ZNF732: variants seen among roughly 807,000 people sequenced by gnomAD.
The protein encoded by ZNF732 is zinc finger protein 732.
A neutral mutation model predicts 11.5 loss-of-function variants in ZNF732; 12 were observed. That is an observed-to-expected ratio of 1.05 (90% confidence interval 0.67 to 1.70). The LOEUF is 1.70. Ranked by LOEUF, ZNF732 falls within the 40% of genes most tolerant of loss-of-function variation. The pLI is 0.00. For missense variants in ZNF732, 702 were observed against 676.9 expected, an observed-to-expected ratio of 1.04 and a Z score of -0.41; for synonymous variants, 231 against 236.5, an observed-to-expected ratio of 0.98 and a Z score of 0.21.
Position 288,014 on chromosome 4 carries a change from T to C in ZNF732, c.226+7424A>G, listed in dbSNP as rs371301285. On this transcript the variant is annotated intron_variant, in intron 3 of 3. Coordinates refer to ENST00000419098, the MANE Select transcript of ZNF732 (RefSeq NM_001137608.3). ...ACAATAACCTTATTGTGGTTTTGCC[T>C]TACATTACTCTAAAAATTAGAAATT... is the stretch of plus-strand genomic sequence containing the variant. Among the ~76,000 whole-genome samples, 26 of 152,308 alleles carry C rather than the reference T, an allele frequency of 1.7e-4. No homozygotes were observed. The South Asian group carries it at 5.2e-3, about 30-fold the overall frequency.
intron 3 of ZNF732, 80 bp from the exon 4 acceptor site, chr4:272,710 C>A: frequency 2.4e-6 from 3 of 1,276,428 alleles, no homozygotes; most frequent in Non-Finnish European, 3.1e-6. Context: ...TAAACTTATA[C>A]AAAGTACATT....
intron 3 of ZNF732, among the ~76,000 whole-genome samples, chr4:274,905 T>C (rs1401654598): frequency 6.6e-6 from 1 of 151,662 alleles, no homozygotes; most frequent in Non-Finnish European, 1.5e-5. Flanking sequence ...GTTCCAAATA[T>C]ACAAAGCCAA....
At chr4:301,375 T>A (rs1264467696) in intron 1 of ZNF732, among the ~76,000 whole-genome samples, 1 of 152,110 alleles carries the variant, frequency 6.6e-6, no homozygotes, top group Non-Finnish European at 1.5e-5. Context: ...TGGGTATATA[T>A]CCAAAGGATT....
chr4:293,000 G>A lies in ZNF732; in HGVS notation c.226+2438C>T, dbSNP rs548626026. Among the ~76,000 whole-genome samples, 865 of 144,078 alleles carry A rather than the reference G, an allele frequency of 6.0e-3. 4 individuals are homozygous for A. Among genetic ancestry groups the A allele is most frequent in the Non-Finnish European group, 9.7e-3 (641 of 66,136 alleles). The allele number at this position is 144,078 out of a possible 152,430, so 94.5% of individuals were successfully genotyped here. On this transcript the variant is annotated intron_variant, in intron 3 of 3. Coordinates refer to ENST00000419098, the MANE Select transcript of ZNF732 (RefSeq NM_001137608.3). ...GGAGAATGGCGTGAACCCAGGTGGC[G>A]GAGGTTGCAGTGAGCCGAGATCGCG...
At chr4:275,876 C>G (rs782109723) in intron 3 of ZNF732, among the ~76,000 whole-genome samples, 2 of 151,422 alleles carry the variant, frequency 1.3e-5, no homozygotes, top group African/African-American at 2.4e-5. Flanking sequence ...AAATAAAAAA[C>G]AGAATTGTTT....
At chr4:293,021 T>A (rs1254869936) in intron 3 of ZNF732, among the ~76,000 whole-genome samples, 4 of 119,830 alleles carry the variant, frequency 3.3e-5, no homozygotes, top group African/African-American at 1.3e-4. Flanking sequence ...TGAGCCGAGA[T>A]CGCGCCACTG....
At position 292,627 on chromosome 4, in the gene ZNF732, C is replaced by T. The variant is rs1048715325; in HGVS notation, c.226+2811G>A. ...GAAACTTATACAATTCAAAGCAAAA[C>T]AATAATGATGATAAGCCATTCAAAA... On this transcript the variant is annotated intron_variant, in intron 3 of 3. Coordinates refer to ENST00000419098, the MANE Select transcript of ZNF732 (RefSeq NM_001137608.3). Among the ~76,000 whole-genome samples, 3 of 149,030 alleles carry T rather than the reference C, an allele frequency of 2.0e-5. No homozygotes were observed. In the South Asian group the frequency reaches 6.4e-4, roughly 32 times the overall value.
intron 1 of ZNF732, among the ~76,000 whole-genome samples, chr4:297,934 C>T (rs1164978651): frequency 1.3e-5 from 2 of 152,094 alleles, no homozygotes; most frequent in African/African-American, 4.8e-5. Flanking sequence ...GTTCTCTATG[C>T]CGCTAAGTTT....
chr4:293,096 T>C (rs1187810893), intron 3 of ZNF732, among the ~76,000 whole-genome samples: 2 of 118,164 alleles, frequency 1.7e-5, no homozygotes, highest in Non-Finnish European at 3.6e-5. Context: ...AAAAAACCAG[T>C]AAGAAATAAA....
intron 3 of ZNF732, among the ~76,000 whole-genome samples, chr4:284,757 G>A (rs1335982066): frequency 2.6e-5 from 4 of 151,106 alleles, no homozygotes; most frequent in African/African-American, 9.7e-5. Context: ...TGTAAACCCA[G>A]CTACTCGGGA....
At chr4:273,839 A>G (rs1212298905) in intron 3 of ZNF732, among the ~76,000 whole-genome samples, 1 of 151,730 alleles carries the variant, frequency 6.6e-6, no homozygotes, top group Non-Finnish European at 1.5e-5. Context: ...TTCGCAACAG[A>G]AAGAATTGGG....
chr4:284,870 C>CAAAAAAAA (rs1163209652), intron 3 of ZNF732, among the ~76,000 whole-genome samples: 4 of 54,804 alleles, frequency 7.3e-5, no homozygotes, highest in African/African-American at 1.1e-4. Context: ...GACTCTGTCT[C>CAAAAAAAA]AAAAAAAAAA....
intron 3 of ZNF732, among the ~76,000 whole-genome samples, chr4:288,093 G>A (rs1553840867): frequency 6.6e-6 from 1 of 151,922 alleles, no homozygotes; most frequent in Non-Finnish European, 1.5e-5. Flanking sequence ...TTCATCTCTT[G>A]TCTATTTGTT....
chr4:294,066 A>T (rs1213545687), intron 3 of ZNF732, among the ~76,000 whole-genome samples: 1 of 152,208 alleles, frequency 6.6e-6, no homozygotes, highest in Non-Finnish European at 1.5e-5. Flanking sequence ...CAATGGCATG[A>T]TCTCAGCTCA....
At chr4:280,310 G>A (rs1317018826) in intron 3 of ZNF732, among the ~76,000 whole-genome samples, 78 of 122,558 alleles carry the variant, frequency 6.4e-4, no homozygotes, top group African/African-American at 2.2e-3. Context: ...AAAAAAAAAC[G>A]GCCAGCTGCA....
chr4:274,162 A>T (rs1719446113), intron 3 of ZNF732, among the ~76,000 whole-genome samples: 1 of 151,796 alleles, frequency 6.6e-6, no homozygotes, highest in Non-Finnish European at 1.5e-5. Context: ...TAAAATTTTA[A>T]AGAGGAAAGC....
At chr4:298,953 G>A (rs1358762970) in intron 1 of ZNF732, among the ~76,000 whole-genome samples, 6 of 152,080 alleles carry the variant, frequency 3.9e-5, no homozygotes, top group Non-Finnish European at 8.8e-5. Context: ...ACTATATCAG[G>A]TCACTGGACA....
At chr4:276,466 A>G (rs969177603) in intron 3 of ZNF732, among the ~76,000 whole-genome samples, 8 of 151,944 alleles carry the variant, frequency 5.3e-5, no homozygotes, top group African/African-American at 1.2e-4. Context: ...AATCTGTCAT[A>G]TACAATCTTT....
In ZNF732 at chr4:305,446, C is replaced by A. The variant is rs1482774791; in HGVS notation, c.-136G>T. The A allele has an allele frequency of 7.8e-7, 1 of 1,282,944 alleles. No homozygotes were observed. Among genetic ancestry groups the A allele is most frequent in the East Asian group, 2.5e-5 (1 of 39,872 alleles). The allele number at this position is 1,282,944 out of a possible 1,614,324, so 79.5% of individuals were successfully genotyped here. On this transcript the variant is annotated 5_prime_UTR_variant, in exon 1 of 4. It adds an upstream start codon to the 5' untranslated region. Coordinates refer to ENST00000419098, the MANE Select transcript of ZNF732 (RefSeq NM_001137608.3). ...GGGTGAAAGCACGGCCGTGGAGACCCTAACCGAGCTCACGCTGGCGCAAAA... is the reference window on the plus strand; with the variant it reads ...GGGTGAAAGCACGGCCGTGGAGACCATAACCGAGCTCACGCTGGCGCAAAA...
Sources: gnomAD v4.1 joint callset for allele counts (sites outside exome capture counted in the v4.1 genomes callset) on GRCh38, gnomAD v4.1.1 for gene constraint, MANE v1.5 for transcripts, NCBI Gene and HGNC (gene_info 2026-07-23, HGNC 2026-07-21) for gene names.